The following NEBL variants were observed in gnomAD, a reference collection of about 807,000 sequenced individuals.
NEBL encodes the protein LIM and SH3 protein 2.
In NEBL, 122 loss-of-function variants were observed where a neutral mutation model predicts 140.2. That is an observed-to-expected ratio of 0.87 (90% CI 0.75 to 1.01). NEBL has a LOEUF of 1.01. Among genes scored for constraint, NEBL ranks in the 50% least tolerant of loss-of-function variants. The probability of loss-of-function intolerance (pLI) is 0.00; values close to 1 mark genes in which losing one functional copy is unlikely to be tolerated. For synonymous variants in NEBL, 436 were observed against 398.9 expected (o/e 1.09, Z -1.11); for missense variants, 1,365 against 1,231.3 (o/e 1.11, Z -1.62).
intron 5 of NEBL, among the ~76,000 whole-genome samples, chr10:20,874,107 T>G (rs918686242): frequency 6.6e-6 from 1 of 152,252 alleles, no homozygotes; most frequent in Non-Finnish European, 1.5e-5. Flanking sequence ...TATTACCTTA[T>G]GTGCTTGATC....
At chr10:20,856,774 C>T (rs1295011984) in intron 9 of NEBL, among the ~76,000 whole-genome samples, 2 of 151,990 alleles carry the variant, frequency 1.3e-5, no homozygotes, top group East Asian at 3.9e-4. Flanking sequence ...TAATGTACTG[C>T]TTTTCATCCA....
intron 25 of NEBL, among the ~76,000 whole-genome samples, chr10:20,808,886 C>T (rs562241703): frequency 4.6e-5 from 7 of 152,096 alleles, no homozygotes; most frequent in Non-Finnish European, 7.4e-5. Flanking sequence ...TTTTAAAGGA[C>T]GGGTAAGGGA....
At chr10:21,004,933 C>G (rs1316893596) in intron 3 of NEBL, among the ~76,000 whole-genome samples, 4 of 152,166 alleles carry the variant, frequency 2.6e-5, no homozygotes, top group Non-Finnish European at 5.9e-5. Context: ...TCAGTATTAA[C>G]CTCTCAAGGT....
intron 3 of NEBL, among the ~76,000 whole-genome samples, chr10:21,013,954 G>C (rs1317250237): frequency 6.6e-6 from 1 of 151,986 alleles, no homozygotes; most frequent in Admixed American, 6.6e-5. Context: ...TTGGAAATGG[G>C]ATCCGGAGCT....
chr10:20,996,831 C>G (rs369265321), intron 3 of NEBL, among the ~76,000 whole-genome samples: 1 of 152,306 alleles, frequency 6.6e-6, no homozygotes, highest in East Asian at 1.9e-4. Flanking sequence ...AGTTCCAACT[C>G]TCAATACTAA....
At chr10:20,904,469 T>C (rs999858280) in intron 4 of NEBL, among the ~76,000 whole-genome samples, 1 of 152,212 alleles carries the variant, frequency 6.6e-6, no homozygotes, top group African/African-American at 2.4e-5. Flanking sequence ...TTGATTACCC[T>C]CATTTCTTTA....
chr10:21,140,819 A>T (rs375547683), intron 2 of NEBL, among the ~76,000 whole-genome samples: 33 of 152,236 alleles, frequency 2.2e-4, no homozygotes, highest in East Asian at 1.2e-3. Flanking sequence ...GAGGGAGAGC[A>T]TTAGGACAAA....
chr10:20,819,277 C>G, intron 20 of NEBL, 147 bp downstream of exon 20: 1 of 1,320,652 alleles, frequency 7.6e-7, no homozygotes, highest in Non-Finnish European at 1.1e-6. Context: ...TCCATGTATT[C>G]TCATCATTTA....
intron 14 of NEBL, among the ~76,000 whole-genome samples, chr10:20,833,728 C>A (rs574495851): frequency 6.6e-6 from 1 of 151,230 alleles, no homozygotes; most frequent in Non-Finnish European, 1.5e-5. Context: ...TGCACTCCAG[C>A]CTGGGCGACA....
intron 3 of NEBL, among the ~76,000 whole-genome samples, chr10:20,997,878 CAG>C (rs1422277265): frequency 1.3e-5 from 2 of 152,114 alleles, no homozygotes; most frequent in Non-Finnish European, 2.9e-5. Context: ...GCCAACAAAA[CAG>C]AGTGCTGCTA....
upstream of NEBL, chr10:20,897,469 G>T: frequency 8.4e-7 from 1 of 1,194,288 alleles, no homozygotes; most frequent in Non-Finnish European, 1.0e-6. Flanking sequence ...AACTTTTAAA[G>T]TCAACATTTT....
At chr10:21,125,702 C>A in intron 2 of NEBL, 1 of 696,962 alleles carries the variant, frequency 1.4e-6, no homozygotes, top group Non-Finnish European at 2.5e-6. Flanking sequence ...TTCCTCCCTG[C>A]ACCCTACAGA....
At chr10:20,904,821 C>G (rs1372419333) in intron 4 of NEBL, among the ~76,000 whole-genome samples, 2 of 152,228 alleles carry the variant, frequency 1.3e-5, no homozygotes, top group Non-Finnish European at 2.9e-5. Flanking sequence ...TGAAGAAGCT[C>G]TTTGCTTGGC....
chr10:20,788,952 C>T (rs547066076), intron 26 of NEBL, among the ~76,000 whole-genome samples: 2 of 152,290 alleles, frequency 1.3e-5, no homozygotes, highest in South Asian at 2.1e-4. Flanking sequence ...AATGCGTGCA[C>T]AGAGCATACT....
intron 3 of NEBL, among the ~76,000 whole-genome samples, chr10:21,183,450 GA>G (rs1184807146): frequency 4.4e-4 from 67 of 152,106 alleles, no homozygotes; most frequent in Admixed American, 4.4e-3. Context: ...AGGGCAAACA[GA>G]AGAGAAAACA....
At chr10:20,825,818 A>G (rs993978492) in intron 18 of NEBL, among the ~76,000 whole-genome samples, 1 of 152,216 alleles carries the variant, frequency 6.6e-6, no homozygotes, top group Admixed American at 6.5e-5. Flanking sequence ...CCCTTCCAAC[A>G]GAAGAGGACC....
At chr10:20,952,330 G>C (rs1245498118) in intron 4 of NEBL, among the ~76,000 whole-genome samples, 1 of 151,474 alleles carries the variant, frequency 6.6e-6, no homozygotes, top group African/African-American at 2.4e-5. Context: ...CCAGCTACTA[G>C]GGAGGCTGAG....
At chr10:21,244,341 T>A (rs1472516174) in intron 3 of NEBL, among the ~76,000 whole-genome samples, 2 of 75,158 alleles carry the variant, frequency 2.7e-5, no homozygotes, top group Non-Finnish European at 4.8e-5. Context: ...AAATTTTGTA[T>A]TTTTTTTTTT....
chr10:21,265,202 T>G (rs1479435170), intron 1 of NEBL, among the ~76,000 whole-genome samples: 1 of 151,988 alleles, frequency 6.6e-6, no homozygotes, highest in Non-Finnish European at 1.5e-5. Flanking sequence ...GGATTACAGG[T>G]GTGAGCCACC....
Sources: gnomAD v4.1 joint callset for allele counts (sites outside exome capture counted in the v4.1 genomes callset) on GRCh38, gnomAD v4.1.1 for gene constraint, MANE v1.5 for transcripts, NCBI Gene and HGNC (gene_info 2026-07-23, HGNC 2026-07-21) for gene names.